The following AXDND1 variants were observed in gnomAD, a reference collection of about 807,000 sequenced individuals.
The protein encoded by AXDND1 is axonemal dynein light chain domain containing 1.
AXDND1 carries 110 observed loss-of-function variants against 137.5 expected under a neutral mutation model. That is an observed-to-expected ratio of 0.80 (90% CI 0.69 to 0.94). AXDND1 has a LOEUF of 0.94. AXDND1 is among the 40% of genes least tolerant of loss of function. AXDND1 has a pLI of 0.00. For synonymous variants in AXDND1, 414 were observed against 399.7 expected (o/e 1.04, Z -0.43); for missense variants, 1,191 against 1,169.8 (o/e 1.02, Z -0.26).
At chr1:179,414,205 A>AC (rs939097213) in intron 12 of AXDND1, among the ~76,000 whole-genome samples, 3 of 151,358 alleles carry the variant, frequency 2.0e-5, no homozygotes, top group South Asian at 4.2e-4. Flanking sequence ...ACAAAAAAAA[A>AC]CCCAACGTAT....
intron 12 of AXDND1, among the ~76,000 whole-genome samples, chr1:179,422,775 T>C (rs12408443): frequency 0.29 from 44,576 of 151,948 alleles, 6,751 homozygotes; most frequent in Non-Finnish European, 0.31. Flanking sequence ...CCCCTTTTTT[T>C]TTCTTTGAGA....
chr1:179,448,604 C>T (rs1207973334), intron 16 of AXDND1: 1 of 275,076 alleles, frequency 3.6e-6, no homozygotes, highest in Non-Finnish European at 7.1e-6. Context: ...TGGGCACGCA[C>T]ACGCTGCAGC....
At chr1:179,522,002 G>A (rs1928001) in intron 21 of AXDND1, among the ~76,000 whole-genome samples, 133,485 of 152,008 alleles carry the variant, frequency 0.88, 58,780 homozygotes, top group East Asian at 0.96. Flanking sequence ...TTTTGCTTGG[G>A]ATTCTCTTGA....
At chr1:179,447,527 C>T in intron 16 of AXDND1, 3 of 628,530 alleles carry the variant, frequency 4.8e-6, no homozygotes, top group Non-Finnish European at 7.7e-6. Context: ...CAGAAAATTC[C>T]AAAGGAAGCT....
At chr1:179,473,913 C>T (rs777937086) in intron 17 of AXDND1, among the ~76,000 whole-genome samples, 13 of 152,230 alleles carry the variant, frequency 8.5e-5, no homozygotes, top group Non-Finnish European at 1.8e-4. Flanking sequence ...TCAAATTAAA[C>T]CTCATTTGTT....
intron 18 of AXDND1, among the ~76,000 whole-genome samples, chr1:179,483,593 A>G (rs1665683682): frequency 6.6e-6 from 1 of 152,234 alleles, no homozygotes; most frequent in South Asian, 2.1e-4. Context: ...AGAATATTCC[A>G]GCACTGTTGG....
Position 179,483,183 on chromosome 1 carries a change from A to G in AXDND1, c.2053A>G (p.Asn685Asp), listed in dbSNP as rs777384836. The change falls in exon 18 of 26, where the codon AAT becomes GAT. Residue 685 changes from asparagine (N) to aspartate (D), a missense_variant. Physicochemically the swap from Asn to Asp is conservative, Grantham distance 23. Transcript: ENST00000367618. ...TCAACAATGGCTTTTGAAGATAGGC[A>G]ATGAAATTAACAACGGTAACATTGA... ...MIQQWLLKIGNEINNGNIELQ... is the reference protein window; with the variant it reads ...MIQQWLLKIGDEINNGNIELQ... 3 of 1,611,052 alleles carry G rather than the reference A, an allele frequency of 1.9e-6. No homozygotes were observed. The highest frequency in any genetic ancestry group is 2.5e-6 in the Non-Finnish European group (3 of 1,178,352).
intron 17 of AXDND1, among the ~76,000 whole-genome samples, chr1:179,479,995 C>T (rs1665159271): frequency 6.6e-6 from 1 of 152,128 alleles, no homozygotes; most frequent in Non-Finnish European, 1.5e-5. Context: ...TCATTATCAG[C>T]ATTTTGGTCA....
At chr1:179,460,469 T>C (rs1323119168) in intron 16 of AXDND1, among the ~76,000 whole-genome samples, 3 of 152,212 alleles carry the variant, frequency 2.0e-5, no homozygotes, top group Non-Finnish European at 4.4e-5. Context: ...TTTGGGTTAG[T>C]TCCAAGTCTT....
At chr1:179,391,252 CTTATT>C (rs1650150061) in intron 9 of AXDND1, among the ~76,000 whole-genome samples, 1 of 150,212 alleles carries the variant, frequency 6.7e-6, no homozygotes, top group Non-Finnish European at 1.5e-5. Flanking sequence ...CCTTGTTTCT[CTTATT>C]TTATTTCAAT....
chr1:179,473,322 A>G (rs1029436986), intron 17 of AXDND1, among the ~76,000 whole-genome samples: 1 of 151,894 alleles, frequency 6.6e-6, no homozygotes, highest in African/African-American at 2.4e-5. Context: ...ACATGGTGAA[A>G]CCCTGTCTCT....
intron 9 of AXDND1, among the ~76,000 whole-genome samples, chr1:179,389,734 A>G (rs1318278966): frequency 3.3e-5 from 5 of 152,178 alleles, no homozygotes; most frequent in Non-Finnish European, 7.3e-5. Context: ...AATGCTTTGA[A>G]AAGTGTGTTC....
At chr1:179,511,338 T>TATAC (rs1553300871) in intron 21 of AXDND1, among the ~76,000 whole-genome samples, 2 of 150,150 alleles carry the variant, frequency 1.3e-5, no homozygotes, top group South Asian at 2.1e-4. Flanking sequence ...TATATATATA[T>TATAC]ACACACACTA....
chr1:179,459,745 T>G (rs572322196), intron 16 of AXDND1, among the ~76,000 whole-genome samples: 1 of 150,532 alleles, frequency 6.6e-6, no homozygotes, highest in South Asian at 2.1e-4. Context: ...CTTTTTTCCT[T>G]CCTTCCTTTC....
intron 15 of AXDND1, among the ~76,000 whole-genome samples, chr1:179,441,619 A>G (rs754730497): frequency 4.6e-5 from 7 of 152,216 alleles, no homozygotes; most frequent in Non-Finnish European, 8.8e-5. Flanking sequence ...GTACTTGCAC[A>G]TAGGGTTCCT....
chr1:179,500,652 A>G (rs559618369), intron 20 of AXDND1, among the ~76,000 whole-genome samples: 1 of 152,202 alleles, frequency 6.6e-6, no homozygotes, highest in African/African-American at 2.4e-5. Context: ...CTAGCCACAT[A>G]TTGCTATTCA....
At chr1:179,501,384 A>G (rs1667984258) in intron 20 of AXDND1, among the ~76,000 whole-genome samples, 1 of 152,236 alleles carries the variant, frequency 6.6e-6, no homozygotes, top group Non-Finnish European at 1.5e-5. Flanking sequence ...CATGGCATAC[A>G]GAATTAATGA....
At chr1:179,439,107 G>A (rs1451339570) in intron 15 of AXDND1, among the ~76,000 whole-genome samples, 1 of 151,882 alleles carries the variant, frequency 6.6e-6, no homozygotes, top group Non-Finnish European at 1.5e-5. Flanking sequence ...TGACCTTTAG[G>A]TCTCCAATCC....
Position 179,491,587 on chromosome 1 carries a change from T to G in AXDND1, c.2141T>G (p.Ile714Ser). 6.2e-7 allele frequency: 1 copy of G among 1,613,466 alleles called. No homozygotes were observed. Among genetic ancestry groups the G allele is most frequent in the South Asian group, 1.1e-5 (1 of 91,030 alleles). ...SMIQWMVNLLILMIPNFTDQD... is the reference protein window; with the variant it reads ...SMIQWMVNLLSLMIPNFTDQD... ...ATCCAGTGGATGGTAAACTTGCTGA[T>G]TTTAATGATACCCAACTTTACTGAC... Residue 714 changes from isoleucine (I) to serine (S), a missense_variant, in exon 19 of 26, where the codon ATT (isoleucine) becomes AGT (serine). By Grantham distance (142) the Ile-to-Ser change is moderately radical. Coordinates refer to ENST00000367618, the MANE Select transcript of AXDND1 (RefSeq NM_144696.6).
Sources: allele counts gnomAD v4.1 joint callset (sites outside exome capture counted in the v4.1 genomes callset), GRCh38; gene constraint gnomAD v4.1.1; transcripts MANE v1.5; gene names NCBI Gene and HGNC (gene_info 2026-07-23, HGNC 2026-07-21).